SMG1: variants seen among roughly 807,000 people sequenced by gnomAD.
SMG1 encodes the protein SMG1 nonsense mediated mRNA decay associated PI3K related kinase.
In SMG1, 22 loss-of-function variants were observed where a neutral mutation model predicts 419.9. The observed-to-expected ratio is 0.05, with a 90% CI of 0.04 to 0.07. The LOEUF (loss-of-function observed/expected upper bound fraction) is 0.07, where lower values mean the gene tolerates loss of function less well. Among genes scored for constraint, SMG1 ranks in the 10% least tolerant of loss-of-function variants. SMG1 has a pLI of 1.00. For synonymous variants in SMG1, 1,538 were observed against 1,553.5 expected, an observed-to-expected ratio of 0.99 and a Z score of 0.23; for missense variants, 3,185 against 4,342.0, an observed-to-expected ratio of 0.73 and a Z score of 7.49.
At chr16:18,815,864 A>G (rs1455893268) in intron 58 of SMG1, 2 of 550,614 alleles carry the variant, frequency 3.6e-6, no homozygotes, top group Admixed American at 6.9e-5. Flanking sequence ...TACTGTTTGT[A>G]ATGATGAAGT....
At chr16:18,887,516 C>CTTTGTTTTTTTTTTTTTTTT (rs749197007) in intron 6 of SMG1, among the ~76,000 whole-genome samples, 14 of 110,122 alleles carry the variant, frequency 1.3e-4, no homozygotes, top group Admixed American at 3.2e-4. Flanking sequence ...TTTTTTTTTC[C>CTTTGTTTTTTTTTTTTTTTT]TTTTTTTTTT....
At chr16:18,813,042 G>T (rs2031623344) in intron 60 of SMG1, among the ~76,000 whole-genome samples, 3 of 152,108 alleles carry the variant, frequency 2.0e-5, no homozygotes, top group Admixed American at 2.0e-4. Flanking sequence ...GTGTATATGT[G>T]CCACATTTTC....
chr16:18,925,129 G>A (rs2038341627), intron 1 of SMG1: 1 of 152,130 alleles, frequency 6.6e-6, no homozygotes, highest in Admixed American at 6.6e-5. Flanking sequence ...TCCTAAATTA[G>A]GCACAGCTGC....
intron 62 of SMG1, among the ~76,000 whole-genome samples, chr16:18,810,993 A>G (rs1375017332): frequency 6.6e-6 from 1 of 152,164 alleles, no homozygotes; most frequent in Non-Finnish European, 1.5e-5. Flanking sequence ...TTTATTCTCA[A>G]ATTTATATAT....
At chr16:18,900,363 G>A (rs1421309413) in intron 1 of SMG1, among the ~76,000 whole-genome samples, 2 of 152,110 alleles carry the variant, frequency 1.3e-5, no homozygotes, top group Non-Finnish European at 2.9e-5. Flanking sequence ...CACAAATCTA[G>A]GAGGCCATTC....
chr16:18,866,328 T>C, intron 23 of SMG1: 2 of 440,914 alleles, frequency 4.5e-6, no homozygotes, highest in South Asian at 4.5e-5. Context: ...TGTATCAGAC[T>C]CTGAGGGGGA....
At chr16:18,835,889 A>G in intron 48 of SMG1, 44 bp downstream of exon 48, 1 of 1,528,928 alleles carries the variant, frequency 6.5e-7, no homozygotes, top group Non-Finnish European at 8.8e-7. Context: ...ACAGAACAAG[A>G]CTCCGTCTCA....
At chr16:18,900,382 T>C (rs1255420023) in intron 1 of SMG1, among the ~76,000 whole-genome samples, 2 of 152,218 alleles carry the variant, frequency 1.3e-5, no homozygotes, top group Non-Finnish European at 2.9e-5. Context: ...TCGTTTCAAA[T>C]GACCAGAATC....
At chr16:18,896,384 A>T (rs1243608923) in intron 2 of SMG1, among the ~76,000 whole-genome samples, 177 bp from the exon 3 acceptor site, 1 of 152,190 alleles carries the variant, frequency 6.6e-6, no homozygotes. Flanking sequence ...TACACCTTTG[A>T]AGTTAAATTA....
intron 1 of SMG1, among the ~76,000 whole-genome samples, chr16:18,913,663 T>G (rs1314181151): frequency 2.0e-5 from 3 of 152,048 alleles, no homozygotes; most frequent in Non-Finnish European, 4.4e-5. Flanking sequence ...AACAACTTCT[T>G]AAAAACCTGT....
At chr16:18,869,814 A>C (rs2035715277) in intron 19 of SMG1, 40 bp downstream of exon 19, 5 of 1,558,016 alleles carry the variant, frequency 3.2e-6, no homozygotes, top group Non-Finnish European at 4.4e-6. Context: ...GAATCTTAAA[A>C]TTATGTTTCC....
chr16:18,821,217 GTTTCTTTTT>G (rs2032504651), intron 55 of SMG1, among the ~76,000 whole-genome samples: 3 of 31,736 alleles, frequency 9.5e-5, no homozygotes, highest in African/African-American at 3.2e-4. Context: ...TATTTAGTAT[GTTTCTTTTT>G]TTTTTTTTTT....
chr16:18,836,320 C>CA, intron 47 of SMG1, 40 bp downstream of exon 47: 2 of 1,599,938 alleles, frequency 1.3e-6, no homozygotes, highest in Non-Finnish European at 8.5e-7. Context: ...CTATAAAACT[C>CA]ATAGTTTCAC....
chr16:18,863,605 T>C (rs1290071655), intron 25 of SMG1, 45 bp downstream of exon 25: 2 of 1,518,922 alleles, frequency 1.3e-6, no homozygotes, highest in Admixed American at 1.7e-5. Context: ...AAAAACATCA[T>C]AGTTATTGGA....
In SMG1 at chr16:18,839,973, A is replaced by T. The variant is rs191241344; in HGVS notation, c.6697-27T>A. On this transcript the variant is annotated intron_variant, in intron 41 of 62. Transcript: ENST00000446231. ...TTAAGAAAAAACAATTTTTTTAAAA[A>T]AGAAAAGATCAATTTTATATAAGGA... 1.1e-5 allele frequency: 16 copies of T among 1,503,068 alleles called. No homozygotes were observed. The East Asian group carries it at 3.7e-4, about 35-fold the overall frequency. 93.1% of individuals were successfully genotyped at this position (1,503,068 alleles called of 1,614,324 possible).
chr16:18,924,456 TA>T (rs1381495336), intron 1 of SMG1, among the ~76,000 whole-genome samples: 2 of 152,214 alleles, frequency 1.3e-5, no homozygotes, highest in African/African-American at 4.8e-5. Flanking sequence ...CTGATCACAA[TA>T]CTGAAAAATA....
chr16:18,911,139 G>T (rs2037776622), intron 1 of SMG1, among the ~76,000 whole-genome samples: 1 of 152,188 alleles, frequency 6.6e-6, no homozygotes, highest in Non-Finnish European at 1.5e-5. Context: ...AAATGATGAT[G>T]CAGAGCTATG....
At chr16:18,868,848 C>G (rs1596555228) in intron 20 of SMG1, 129 bp from the exon 21 acceptor site, 2 of 638,082 alleles carry the variant, frequency 3.1e-6, no homozygotes. Flanking sequence ...AATAAAAAAT[C>G]CCAACATGAA....
chr16:18,902,169 A>T (rs1019180577), intron 1 of SMG1, among the ~76,000 whole-genome samples: 14 of 152,288 alleles, frequency 9.2e-5, no homozygotes, highest in African/African-American at 3.4e-4. Flanking sequence ...CTTCCCTGGT[A>T]GGCAATAATT....
Sources: allele counts gnomAD v4.1 joint callset (sites outside exome capture counted in the v4.1 genomes callset), GRCh38; gene constraint gnomAD v4.1.1; transcripts MANE v1.5; gene names NCBI Gene and HGNC (gene_info 2026-07-23, HGNC 2026-07-21).